PPL: variants seen among roughly 807,000 people sequenced by gnomAD.
PPL encodes 190 kDa paraneoplastic pemphigus antigen.
Under a neutral mutation model 194.4 loss-of-function variants are expected in PPL, and 198 were observed. The observed-to-expected ratio is 1.02, with a 90% CI of 0.91 to 1.15. The LOEUF (loss-of-function observed/expected upper bound fraction) is 1.15. PPL is among the 50% of genes most tolerant of loss of function. The pLI is 0.00. For missense variants in PPL, 2,885 were observed against 2,294.8 expected, an observed-to-expected ratio of 1.26 and a Z score of -5.25; for synonymous variants, 1,220 against 972.4, an observed-to-expected ratio of 1.25 and a Z score of -4.74.
chr16:4,893,404 C>A, intron 13 of PPL, 34 bp from the exon 14 acceptor site: 1 of 1,599,822 alleles, frequency 6.3e-7, no homozygotes. Flanking sequence ...GCAGGTGTGA[C>A]AACGGGCCAG....
rs193050993 is a variant in PPL, at chr16:4,911,312, C to A, written c.63-363G>T. Among the ~76,000 whole-genome samples, 92 of 152,100 alleles carry A rather than the reference C, an allele frequency of 6.0e-4. 1 individual carries two copies. Among genetic ancestry groups the A allele is most frequent in the Non-Finnish European group, 1.0e-3 (69 of 67,984 alleles). ...CAGTAGCTGAGATTACAAGCATGCACCACCAAGCCTGGCTAATTTTTGTAT... is the reference window on the plus strand; with the variant it reads ...CAGTAGCTGAGATTACAAGCATGCAACACCAAGCCTGGCTAATTTTTGTAT... On this transcript the variant is annotated intron_variant, in intron 1 of 21. Transcript: ENST00000345988.
At chr16:4,934,426 C>G (rs1324520225) in intron 1 of PPL, among the ~76,000 whole-genome samples, 3 of 152,112 alleles carry the variant, frequency 2.0e-5, no homozygotes, top group African/African-American at 7.2e-5. Context: ...TACCCTCATC[C>G]GGGCACCTCC....
rs1386859634 is a variant in PPL, at chr16:4,890,922, C to CT, written c.1969-2dup. The CT allele has an allele frequency of 1.3e-6, 2 of 1,516,026 alleles. No individual in the cohort carries two copies. The highest frequency in any genetic ancestry group is 2.8e-5 in the African/African-American group (2 of 71,954). 93.9% of individuals were successfully genotyped at this position (1,516,026 alleles called of 1,614,324 possible). On this transcript the variant is annotated splice_acceptor_variant, in intron 16 of 21. Coordinates refer to ENST00000345988, the MANE Select transcript of PPL (RefSeq NM_002705.5). LOFTEE classifies it high-confidence loss of function. ...GGGCCTGTAACTCACAGGCCATGGCCTGGCGGGGCAGAGGAGGAGACGGCG... is the reference window on the plus strand; with the variant it reads ...GGGCCTGTAACTCACAGGCCATGGCCTTGGCGGGGCAGAGGAGGAGACGGCG...
intron 21 of PPL, among the ~76,000 whole-genome samples, chr16:4,886,723 A>G (rs994756672): frequency 6.6e-5 from 10 of 152,214 alleles, no homozygotes; most frequent in Non-Finnish European, 1.2e-4. Context: ...GGTTCAAGCA[A>G]TTCTCCTGCC....
chr16:4,892,097 C>T lies in PPL; in HGVS notation c.1767G>A (p.Arg589=), dbSNP rs746053426. The T allele has an allele frequency of 5.0e-6, 8 of 1,613,720 alleles. No homozygotes were observed. In the African/African-American group the frequency reaches 5.3e-5, roughly 11 times the overall value. Residue 589 remains arginine (R), a synonymous_variant, in exon 15 of 22, where the codon CGG becomes CGA. Coordinates refer to ENST00000345988, the MANE Select transcript of PPL (RefSeq NM_002705.5). The stretch of plus-strand genomic sequence containing the variant: ...CGTATTTCCGGTTGGTGTCCTCCAC[C>T]CGGGTCCTCAGCAGGGGTGTGGTGC... ...GSGTTPLLRT[R]VEDTNRKYEH...
In PPL at chr16:4,884,072, C is replaced by T. The variant is rs570702070; in HGVS notation, c.4583G>A (p.Arg1528His). The T allele has an allele frequency of 1.2e-5, 20 of 1,612,984 alleles. No individual in the cohort carries two copies. The African/African-American group carries it at 1.9e-4, about 15-fold the overall frequency. ...CTCGACGTCCAGCTCGCGCTTGCTG[C>T]GGCTCTCCTCCTCCAGGCTGCTCTT... ...RLKSSLEEES[R>H]SKRELDVEVS... The change falls in exon 22 of 22, where the codon CGC (arginine) becomes CAC (histidine). Residue 1528 changes from arginine (R) to histidine (H), a missense_variant. By Grantham distance (29) the Arg-to-His change is conservative (BLOSUM62 0). Coordinates refer to ENST00000345988, the MANE Select transcript of PPL (RefSeq NM_002705.5). The surrounding 1 kb of genome is among the most constrained non-coding windows in gnomAD (Gnocchi z 5.7).
chr16:4,932,504 G>C (rs2089237581), intron 1 of PPL, among the ~76,000 whole-genome samples: 1 of 151,538 alleles, frequency 6.6e-6, no homozygotes, highest in African/African-American at 2.4e-5. Context: ...CTGCCTCCCA[G>C]GTTCAAGTGA....
chr16:4,933,579 C>G (rs2089252544), intron 1 of PPL, among the ~76,000 whole-genome samples: 2 of 152,198 alleles, frequency 1.3e-5, no homozygotes, highest in African/African-American at 2.4e-5. Context: ...TGACAACTCT[C>G]ACTTGAGGCC....
chr16:4,885,404 C>G lies in PPL; in HGVS notation c.3251G>C (p.Arg1084Thr), dbSNP rs999674670. 12 of 1,612,772 alleles carry G rather than the reference C, an allele frequency of 7.4e-6. No homozygotes were observed. The highest frequency in any genetic ancestry group is 6.7e-5 in the Admixed American group (4 of 60,008). The change falls in exon 22 of 22, where the codon AGG (arginine) becomes ACG (threonine). Residue 1084 changes from arginine to threonine, a missense_variant. Coordinates refer to ENST00000345988, the MANE Select transcript of PPL (RefSeq NM_002705.5). This position sits in a 1 kb window ranked among gnomAD's most constrained non-coding sequence, Gnocchi z 6.3. ...QEDHQRQDQL[R>T]EKQEEELSFL... ...GCTCAGCTCCTCCTCCTGCTTCTCC[C>G]TGAGCTGGTCCTGGCGCTGGTGGTC...
intron 12 of PPL, 145 bp from the exon 13 acceptor site, chr16:4,893,783 A>T (rs2142346904): frequency 1.6e-6 from 1 of 644,438 alleles, no homozygotes; most frequent in African/African-American, 1.8e-5. Context: ...TCACTGTGGC[A>T]CTGGCCTTTC....
At chr16:4,905,515 G>A (rs948049411) in intron 2 of PPL, among the ~76,000 whole-genome samples, 1 of 152,202 alleles carries the variant, frequency 6.6e-6, no homozygotes, top group Admixed American at 6.5e-5. Context: ...TGATTCATGG[G>A]CGTGGTTCTG....
intron 8 of PPL, 67 bp downstream of exon 8, chr16:4,898,946 C>A (rs1204948675): frequency 3.0e-6 from 4 of 1,316,792 alleles, no homozygotes; most frequent in Non-Finnish European, 3.3e-6. Context: ...GAGCTCCAGG[C>A]GGCCCACAGG....
chr16:4,910,739 C>T (rs1463969739), intron 2 of PPL, 111 bp downstream of exon 2: 83 of 960,508 alleles, frequency 8.6e-5, no homozygotes, highest in Non-Finnish European at 1.3e-4. Context: ...CATGTTCCCT[C>T]GGGGCCACAA....
Position 4,902,785 on chromosome 16 carries a change from G to A in PPL, c.318-259C>T, listed in dbSNP as rs2088602964. On this transcript the variant is annotated intron_variant, in intron 3 of 21. Coordinates refer to ENST00000345988, the MANE Select transcript of PPL (RefSeq NM_002705.5). This position sits in a 1 kb window ranked among gnomAD's most constrained non-coding sequence, Gnocchi z 4.0. ...GCTCATGGCAGCCTCCGCCTCCCAG[G>A]TTCAAGCAATTCTCCTGCCTCAACC... is the stretch of plus-strand genomic sequence containing the variant. Among the ~76,000 whole-genome samples, 1 of 151,902 alleles carries A rather than the reference G, an allele frequency of 6.6e-6. No individual in the cohort carries two copies. The highest frequency in any genetic ancestry group is 6.6e-5 in the Admixed American group (1 of 15,254).
intron 2 of PPL, among the ~76,000 whole-genome samples, chr16:4,908,065 G>C (rs1054645194): frequency 4.0e-5 from 6 of 150,770 alleles, no homozygotes; most frequent in African/African-American, 1.5e-4. Flanking sequence ...GGGAGGCTGA[G>C]GCAGAAGAAT....
chr16:4,922,424 G>A (rs1286167341), intron 1 of PPL, among the ~76,000 whole-genome samples: 1 of 152,212 alleles, frequency 6.6e-6, no homozygotes, highest in Admixed American at 6.5e-5. Context: ...CACTTTGGGA[G>A]GCTGAGGTGG....
intron 1 of PPL, among the ~76,000 whole-genome samples, chr16:4,913,765 G>A (rs2088864206): frequency 6.6e-6 from 1 of 152,184 alleles, no homozygotes; most frequent in African/African-American, 2.4e-5. Context: ...TTGTCACCCA[G>A]TTAGCCAGCG....
chr16:4,922,978 C>G (rs2089081563), intron 1 of PPL, among the ~76,000 whole-genome samples: 1 of 152,220 alleles, frequency 6.6e-6, no homozygotes, highest in Non-Finnish European at 1.5e-5. Flanking sequence ...TGCCCACTCC[C>G]TGGGCCTAGC....
Position 4,887,238 on chromosome 16 carries a change from G to T in PPL, c.2515-11C>A. On this transcript the variant is annotated splice_polypyrimidine_tract_variant and intron_variant, in intron 20 of 21. Transcript: ENST00000345988. ...GGCAAGTGCTGCTTCCTGCAGAGAA[G>T]AGGATTAGGAGAGCGGTCAACAAAC... The T allele has an allele frequency of 6.2e-7, 1 of 1,603,802 alleles. No individual in the cohort carries two copies. Among genetic ancestry groups the T allele is most frequent in the Non-Finnish European group, 8.5e-7 (1 of 1,170,690 alleles).
Sources: gnomAD v4.1 joint callset for allele counts (sites outside exome capture counted in the v4.1 genomes callset) on GRCh38, gnomAD v4.1.1 for gene constraint, Gnocchi (gnomAD v3.1) non-coding constraint, MANE v1.5 for transcripts, NCBI Gene and HGNC (gene_info 2026-07-23, HGNC 2026-07-21) for gene names.